The following CHN2 variants were observed in gnomAD, a reference collection of about 807,000 sequenced individuals.
The protein encoded by CHN2 is beta-chimaerin.
A neutral mutation model predicts 56.3 loss-of-function variants in CHN2; 35 were observed. The observed-to-expected ratio is 0.62, with a 90% CI of 0.47 to 0.82. The LOEUF is 0.82. CHN2 is among the 40% of genes least tolerant of loss of function. The pLI, the probability that CHN2 is intolerant of heterozygous loss-of-function variation, is 0.00. For synonymous variants in CHN2, 210 were observed against 212.8 expected (o/e 0.99, Z 0.12); for missense variants, 491 against 580.5 (o/e 0.85, Z 1.58).
chr7:29,274,765 T>A (rs1791043760), intron 1 of CHN2, among the ~76,000 whole-genome samples: 1 of 152,246 alleles, frequency 6.6e-6, no homozygotes, highest in South Asian at 2.1e-4. Context: ...TCATTTTTAA[T>A]GTGGCTAGAA....
chr7:29,159,594 C>G (rs1794901099), intron 2 of CHN2, among the ~76,000 whole-genome samples: 1 of 152,146 alleles, frequency 6.6e-6, no homozygotes, highest in Non-Finnish European at 1.5e-5. Flanking sequence ...CCTCTTCCCA[C>G]ACAAGTCTTA....
At chr7:29,210,842 G>A (rs780406882) in intron 1 of CHN2, among the ~76,000 whole-genome samples, 4 of 152,076 alleles carry the variant, frequency 2.6e-5, no homozygotes, top group African/African-American at 7.2e-5. Context: ...AGAAGGAACC[G>A]CAGCTGCAGA....
At chr7:29,307,577 A>C (rs533899536) in intron 1 of CHN2, among the ~76,000 whole-genome samples, 2 of 152,332 alleles carry the variant, frequency 1.3e-5, no homozygotes, top group East Asian at 3.9e-4. Context: ...GGATTATCCG[A>C]GTGGGCCAAG....
At chr7:29,409,887 C>A (rs1265189963) in intron 6 of CHN2, among the ~76,000 whole-genome samples, 2 of 152,234 alleles carry the variant, frequency 1.3e-5, no homozygotes, top group Non-Finnish European at 2.9e-5. Flanking sequence ...ATTGTCCCAC[C>A]ACTTTTATCA....
chr7:29,195,061 G>C, intron 1 of CHN2, 71 bp downstream of exon 1: 1 of 1,491,960 alleles, frequency 6.7e-7, no homozygotes, highest in Non-Finnish European at 9.1e-7. Flanking sequence ...CGCAGCCTGG[G>C]ATGGACAGAG....
chr7:29,355,671 C>A (rs146985752), intron 2 of CHN2, among the ~76,000 whole-genome samples: 136 of 151,718 alleles, frequency 9.0e-4, no homozygotes, highest in African/African-American at 3.0e-3. Flanking sequence ...CCTAACGAAG[C>A]TGCCAGGGTT....
intron 6 of CHN2, among the ~76,000 whole-genome samples, chr7:29,474,279 C>A (rs1242581684): frequency 6.6e-6 from 1 of 152,172 alleles, no homozygotes; most frequent in Non-Finnish European, 1.5e-5. Context: ...ATTTATTTAA[C>A]TTTTCCCCTA....
intron 1 of CHN2, among the ~76,000 whole-genome samples, chr7:29,273,349 A>ATATATGTGTG (rs1435178891): frequency 3.4e-5 from 2 of 58,536 alleles, no homozygotes; most frequent in African/African-American, 1.7e-4. Context: ...ATGTGTATAT[A>ATATATGTGTG]TATATATATA....
rs144533127 is a variant in CHN2 at position 29,202,145 on chromosome 7, C to T, written c.49+7155C>T. Among the ~76,000 whole-genome samples, 109 of 152,270 alleles carry T rather than the reference C, an allele frequency of 7.2e-4. No individual in the cohort carries two copies. The Middle Eastern group carries it at 0.01, about 14-fold the overall frequency. ...CCATGTTCAAAAAGTTTGGATCTTA[C>T]CATTGAATCTCCTTTAAAGACATCG... On this transcript the variant is annotated intron_variant, in intron 1 of 12. Coordinates refer to ENST00000222792, the MANE Select transcript of CHN2 (RefSeq NM_004067.4).
intron 2 of CHN2, among the ~76,000 whole-genome samples, chr7:29,148,239 T>C (rs557783639): frequency 6.6e-6 from 1 of 152,308 alleles, no homozygotes; most frequent in East Asian, 1.9e-4. Flanking sequence ...GGTCTAAGTA[T>C]AAGGACAACT....
intron 1 of CHN2, among the ~76,000 whole-genome samples, chr7:29,240,289 T>G (rs1787551115): frequency 6.6e-6 from 1 of 152,182 alleles, no homozygotes; most frequent in Admixed American, 6.5e-5. Flanking sequence ...TTGAAGAGCA[T>G]TTGGTCCCCT....
At chr7:29,423,380 G>A (rs928141751) in intron 6 of CHN2, among the ~76,000 whole-genome samples, 1 of 152,222 alleles carries the variant, frequency 6.6e-6, no homozygotes, top group Non-Finnish European at 1.5e-5. Context: ...CAGTGACTGT[G>A]TAACCTGAGG....
At chr7:29,177,087 A>G (rs1182405276) in intron 2 of CHN2, among the ~76,000 whole-genome samples, 1 of 152,218 alleles carries the variant, frequency 6.6e-6, no homozygotes, top group East Asian at 1.9e-4. Flanking sequence ...AAGATAAAAT[A>G]TTTTTAGTTT....
At chr7:29,504,617 T>A (rs1158582389) in intron 9 of CHN2, 127 bp from the exon 10 acceptor site, 1 of 618,886 alleles carries the variant, frequency 1.6e-6, no homozygotes, top group East Asian at 2.7e-5. Context: ...CAGTGTGTGA[T>A]AAATAAAATC....
intron 1 of CHN2, among the ~76,000 whole-genome samples, chr7:29,218,600 A>G (rs1264552215): frequency 6.6e-6 from 1 of 152,126 alleles, no homozygotes; most frequent in Admixed American, 6.6e-5. Flanking sequence ...TGGCATATAT[A>G]CACCATGGAA....
At chr7:29,442,934 C>CTTTTTTTTTTTCTTTTTTTT (rs564931650) in intron 6 of CHN2, among the ~76,000 whole-genome samples, 1 of 103,068 alleles carries the variant, frequency 9.7e-6, no homozygotes, top group African/African-American at 4.8e-5. Flanking sequence ...CATTGAATTT[C>CTTTTTTTTTTTCTTTTTTTT]TTTTTTTTTT....
At chr7:29,461,182 C>T (rs1393468728) in intron 6 of CHN2, among the ~76,000 whole-genome samples, 1 of 152,192 alleles carries the variant, frequency 6.6e-6, no homozygotes. Context: ...TTAGTTTACT[C>T]ATTTCTCTAT....
chr7:29,276,348 AG>A (rs1171886587), intron 1 of CHN2, among the ~76,000 whole-genome samples: 1 of 152,202 alleles, frequency 6.6e-6, no homozygotes, highest in Non-Finnish European at 1.5e-5. Context: ...AGTTTTTCTC[AG>A]GTTGACTGGA....
intron 4 of CHN2, among the ~76,000 whole-genome samples, chr7:29,395,882 C>T (rs1801698298): frequency 6.6e-6 from 1 of 152,154 alleles, no homozygotes; most frequent in Admixed American, 6.5e-5. Flanking sequence ...TGAATTAAAA[C>T]TTAAGTTCTA....
Sources: allele counts gnomAD v4.1 joint callset (sites outside exome capture counted in the v4.1 genomes callset), GRCh38; gene constraint gnomAD v4.1.1; transcripts MANE v1.5; gene names NCBI Gene and HGNC (gene_info 2026-07-23, HGNC 2026-07-21).